SHISA9: variants seen among roughly 807,000 people sequenced by gnomAD.
SHISA9 encodes protein shisa-9.
A neutral mutation model predicts 38.0 loss-of-function variants in SHISA9; 13 were observed. That is an observed-to-expected ratio of 0.34 (90% CI 0.22 to 0.54). SHISA9 has a LOEUF of 0.54. Among genes scored for constraint, SHISA9 ranks in the 20% least tolerant of loss-of-function variants. The pLI, the probability that SHISA9 is intolerant of heterozygous loss-of-function variation, is 0.91. For missense variants in SHISA9, 538 were observed against 575.8 expected (o/e 0.93, Z 0.67); for synonymous variants, 275 against 242.0 (o/e 1.14, Z -1.27).
chr16:13,349,276 G>T, the SHISA9 span, among the ~76,000 whole-genome samples: 8 of 152,224 alleles, frequency 5.3e-5, no homozygotes, highest in African/African-American at 1.7e-4. Flanking sequence ...ACCACCCGCA[G>T]TGTTAACACA....
chr16:13,479,984 A>G, the SHISA9 span, among the ~76,000 whole-genome samples: 2 of 152,146 alleles, frequency 1.3e-5, no homozygotes, highest in South Asian at 4.1e-4. Flanking sequence ...GCCACTTACT[A>G]GCTGCATTGG....
intron 4 of SHISA9, among the ~76,000 whole-genome samples, chr16:13,225,774 C>G (rs1461510786): frequency 6.6e-6 from 1 of 152,152 alleles, no homozygotes; most frequent in Non-Finnish European, 1.5e-5. Context: ...AAGCCAGGCT[C>G]CATCCCGCCC....
chr16:13,525,477 G>T, the SHISA9 span, among the ~76,000 whole-genome samples: 8 of 152,144 alleles, frequency 5.3e-5, no homozygotes, highest in Non-Finnish European at 1.2e-4. Context: ...CTATGAAATA[G>T]AGCTAAGAAC....
At chr16:13,084,192 A>G (rs2073685624) in intron 2 of SHISA9, among the ~76,000 whole-genome samples, 1 of 152,210 alleles carries the variant, frequency 6.6e-6, no homozygotes, top group Non-Finnish European at 1.5e-5. Context: ...AGACCAAGCA[A>G]TCCAAGTTCA....
chr16:12,908,071 C>T (rs138776714), intron 1 of SHISA9, among the ~76,000 whole-genome samples: 1 of 152,200 alleles, frequency 6.6e-6, no homozygotes, highest in African/African-American at 2.4e-5. Flanking sequence ...AGGCTGTTGT[C>T]TGCAGGTGGA....
chr16:13,510,082 G>A, the SHISA9 span, among the ~76,000 whole-genome samples: 1 of 152,144 alleles, frequency 6.6e-6, no homozygotes, highest in Non-Finnish European at 1.5e-5. Flanking sequence ...GAGGTGGGCA[G>A]ATTACCTGAG....
At chr16:13,308,082 A>AGTACATCT in the SHISA9 span, among the ~76,000 whole-genome samples, 2 of 152,214 alleles carry the variant, frequency 1.3e-5, no homozygotes, top group Non-Finnish European at 2.9e-5. Context: ...TGACATTCAA[A>AGTACATCT]GTACATCTGG....
At chr16:13,415,689 A>G in the SHISA9 span, among the ~76,000 whole-genome samples, 5 of 152,192 alleles carry the variant, frequency 3.3e-5, no homozygotes, top group Non-Finnish European at 7.3e-5. Flanking sequence ...TATCTAGAAA[A>G]CAGAATGGAT....
At chr16:13,245,877 G>A in the SHISA9 span, among the ~76,000 whole-genome samples, 3 of 152,262 alleles carry the variant, frequency 2.0e-5, no homozygotes, top group African/African-American at 7.2e-5. Context: ...CCAAGGTTCA[G>A]GAAGCTCTTG....
Position 13,063,619 on chromosome 16 carries a change from G to A in SHISA9, c.692-139775G>A, listed in dbSNP as rs118057328. 2.3e-4 allele frequency among the ~76,000 whole-genome samples: 35 copies of A among 152,250 alleles called. No individual in the cohort carries two copies. In the East Asian group the frequency reaches 5.0e-3, roughly 22 times the overall value. ...TCTTCTTTCTTTACATCAGGAAAGC[G>A]AGATATTTCTATTGATTGCGCAATG... On this transcript the variant is annotated intron_variant, in intron 2 of 4. Coordinates refer to ENST00000558583, the MANE Select transcript of SHISA9 (RefSeq NM_001145204.3).
the SHISA9 span, among the ~76,000 whole-genome samples, chr16:13,263,735 G>A: frequency 6.6e-6 from 1 of 152,134 alleles, no homozygotes. Flanking sequence ...TCTTGTGTGG[G>A]ATTCTGCCAA....
intron 2 of SHISA9, among the ~76,000 whole-genome samples, chr16:13,183,234 A>G (rs1358364355): frequency 2.6e-5 from 4 of 152,198 alleles, no homozygotes; most frequent in Non-Finnish European, 4.4e-5. Context: ...AAATGCCAAC[A>G]TCACTTTGCA....
At chr16:13,070,566 A>T (rs1247098778) in intron 2 of SHISA9, among the ~76,000 whole-genome samples, 3 of 152,160 alleles carry the variant, frequency 2.0e-5, no homozygotes, top group Non-Finnish European at 4.4e-5. Flanking sequence ...CCTAATGAGG[A>T]TTCAGAGTTG....
chr16:13,258,399 C>G, the SHISA9 span: 3 of 152,266 alleles, frequency 2.0e-5, no homozygotes, highest in South Asian at 4.1e-4. Context: ...TCTTTGAAGA[C>G]TAGAAATAAG....
chr16:13,359,413 G>T, the SHISA9 span, among the ~76,000 whole-genome samples: 2 of 152,218 alleles, frequency 1.3e-5, no homozygotes, highest in African/African-American at 4.8e-5. Flanking sequence ...AGCCTGGGAG[G>T]CAGAGGTTGC....
the SHISA9 span, among the ~76,000 whole-genome samples, chr16:13,388,298 A>G: frequency 5.3e-5 from 8 of 151,458 alleles, no homozygotes; most frequent in Non-Finnish European, 1.2e-4. Context: ...GGGAAATCCC[A>G]GAATTTGGGG....
chr16:13,223,289 G>T (rs385140), intron 4 of SHISA9, among the ~76,000 whole-genome samples: 54,863 of 151,698 alleles, frequency 0.36, 11,301 homozygotes, highest in East Asian at 0.64. Context: ...AAATAGCCAG[G>T]CATGGTGTTG....
chr16:13,467,670 G>A, the SHISA9 span, among the ~76,000 whole-genome samples: 1 of 152,176 alleles, frequency 6.6e-6, no homozygotes, highest in Non-Finnish European at 1.5e-5. Context: ...CCATGATTTA[G>A]AGAATGGATC....
intron 2 of SHISA9, among the ~76,000 whole-genome samples, chr16:13,172,421 C>G (rs1457888451): frequency 1.3e-5 from 2 of 152,222 alleles, no homozygotes; most frequent in Non-Finnish European, 2.9e-5. Context: ...GGTTGTTCAT[C>G]CTCAAGGGAA....
Sources: allele counts gnomAD v4.1 joint callset (sites outside exome capture counted in the v4.1 genomes callset), GRCh38; gene constraint gnomAD v4.1.1; transcripts MANE v1.5; gene names NCBI Gene and HGNC (gene_info 2026-07-23, HGNC 2026-07-21).